The following TOP3A variants were observed in gnomAD, a reference collection of about 807,000 sequenced individuals.
The protein encoded by TOP3A is DNA topoisomerase 3-alpha.
TOP3A carries 64 observed loss-of-function variants against 111.3 expected under a neutral mutation model. The observed-to-expected ratio is 0.57, with a 90% confidence interval of 0.47 to 0.71. The LOEUF (loss-of-function observed/expected upper bound fraction) is 0.71. TOP3A is among the 30% of genes least tolerant of loss of function. The pLI is 0.00. For missense variants in TOP3A, 1,104 were observed against 1,285.0 expected, an observed-to-expected ratio of 0.86 and a Z score of 2.15; for synonymous variants, 484 against 485.1, an observed-to-expected ratio of 1.00 and a Z score of 0.03.
chr17:18,289,959 C>T (rs115294957), intron 13 of TOP3A, among the ~76,000 whole-genome samples: 378 of 152,286 alleles, frequency 2.5e-3, no homozygotes, highest in African/African-American at 8.6e-3. Context: ...TTGACAAAAA[C>T]GAATGGAGGG....
chr17:18,284,917 GA>G (rs1450142226), intron 15 of TOP3A, among the ~76,000 whole-genome samples: 4 of 152,226 alleles, frequency 2.6e-5, no homozygotes, highest in Non-Finnish European at 5.9e-5. Context: ...ACCCAGAGAA[GA>G]AAGTCCAAAG....
At chr17:18,314,465 A>T in intron 1 of TOP3A, 134 bp downstream of exon 1, 2 of 1,002,774 alleles carry the variant, frequency 2.0e-6, no homozygotes, top group Non-Finnish European at 1.4e-6. Flanking sequence ...CCACTGCAAT[A>T]ATCCAGACGA....
At position 18,305,133 on chromosome 17, in the gene TOP3A, T is replaced by A; in HGVS notation, c.478A>T (p.Ile160Phe). The change falls in exon 5 of 19, where the codon ATT (isoleucine) becomes TTT (phenylalanine). Residue 160 changes from isoleucine (I) to phenylalanine (F), a missense_variant. Physicochemically the swap from Ile to Phe is conservative, Grantham distance 21. Transcript: ENST00000321105. ...TTACCAGCCTTACACACGTGGATAA[T>A]CTCAAACCCGATGTTTTCGCCTTCT... ...DREGENIGFE[I>F]IHVCKAVKPN... 6.2e-7 allele frequency: 1 copy of A among 1,614,138 alleles called. No individual in the cohort carries two copies.
At chr17:18,281,428 G>A (rs1053164583) in intron 16 of TOP3A, among the ~76,000 whole-genome samples, 1 of 152,032 alleles carries the variant, frequency 6.6e-6, no homozygotes, top group African/African-American at 2.4e-5. Flanking sequence ...AAGAACAAAC[G>A]AATAACTAAA....
intron 8 of TOP3A, 116 bp downstream of exon 8, chr17:18,301,769 G>A: frequency 2.4e-6 from 2 of 820,006 alleles, no homozygotes; most frequent in Non-Finnish European, 3.9e-6. Flanking sequence ...GTGATCCCCT[G>A]AGATGCAAAC....
intron 5 of TOP3A, chr17:18,302,998 C>A: frequency 2.9e-6 from 1 of 348,142 alleles, no homozygotes; most frequent in Non-Finnish European, 5.3e-6. Flanking sequence ...GTTACTGTGT[C>A]TAGTAGAAAA....
chr17:18,280,206 C>T (rs1261644990), intron 17 of TOP3A: 5 of 161,622 alleles, frequency 3.1e-5, no homozygotes, highest in African/African-American at 4.9e-5. Context: ...GGTCTTGCTA[C>T]GTAGCCCAAG....
chr17:18,274,768 C>G lies in TOP3A; in HGVS notation c.*34G>C. The G allele has an allele frequency of 1.3e-6, 2 of 1,595,554 alleles. No individual in the cohort carries two copies. Among genetic ancestry groups the G allele is most frequent in the Non-Finnish European group, 1.7e-6 (2 of 1,169,022 alleles). On this transcript the variant is annotated 3_prime_UTR_variant, in exon 19 of 19. Transcript: ENST00000321105. ...ATTTCTAAACACAAAGGGGACAGGTCTGAGAAAGTGGCGTTCTCTACCCTA... is the reference window on the plus strand; with the variant it reads ...ATTTCTAAACACAAAGGGGACAGGTGTGAGAAAGTGGCGTTCTCTACCCTA...
intron 4 of TOP3A, 47 bp from the exon 5 acceptor site, chr17:18,305,267 C>T: frequency 1.4e-6 from 2 of 1,475,248 alleles, no homozygotes; most frequent in Non-Finnish European, 9.5e-7. Flanking sequence ...AATTGCACAA[C>T]AGTGACTTGA....
intron 9 of TOP3A, among the ~76,000 whole-genome samples, chr17:18,295,473 T>G (rs1234211180): frequency 2.0e-5 from 3 of 150,804 alleles, no homozygotes; most frequent in Admixed American, 1.3e-4. Context: ...AAAAATTTTT[T>G]TATTTTCGAG....
At chr17:18,287,709 T>A (rs936300208) in intron 13 of TOP3A, among the ~76,000 whole-genome samples, 2 of 151,476 alleles carry the variant, frequency 1.3e-5, no homozygotes, top group Admixed American at 6.6e-5. Context: ...CAAATTTTTT[T>A]AGGGGCCGGG....
intron 17 of TOP3A, among the ~76,000 whole-genome samples, chr17:18,279,803 C>T (rs1007056414): frequency 4.6e-5 from 7 of 152,202 alleles, no homozygotes; most frequent in African/African-American, 1.7e-4. Context: ...CCTCCTGCCT[C>T]AGCCTCCTGA....
rs756394352 is a variant in TOP3A, at chr17:18,277,803, C to T, written c.2699G>A (p.Ser900Asn). 7 of 1,614,068 alleles carry T rather than the reference C, an allele frequency of 4.3e-6. No homozygotes were observed. The highest frequency in any genetic ancestry group is 5.1e-6 in the Non-Finnish European group (6 of 1,180,042). ...GSGSGTSCLCSQPSVTRTVQK... is the reference protein window; with the variant it reads ...GSGSGTSCLCNQPSVTRTVQK... ...CACAGTCCGTGTGACGGAGGGCTGG[C>T]TGCAAAGGCAGGATGTGCCACTACC... The change falls in exon 18 of 19, where the codon AGC (serine) becomes AAC (asparagine). Residue 900 changes from serine (S) to asparagine (N), a missense_variant. Physicochemically the swap from Ser to Asn is conservative, Grantham distance 46. Coordinates refer to ENST00000321105, the MANE Select transcript of TOP3A (RefSeq NM_004618.5).
At position 18,305,222 on chromosome 17, in the gene TOP3A, T is replaced by C. The variant is rs1981485578; in HGVS notation, c.391-2A>G. On this transcript the variant is annotated splice_acceptor_variant, in intron 4 of 18. Coordinates refer to ENST00000321105, the MANE Select transcript of TOP3A (RefSeq NM_004618.5). LOFTEE classifies it high-confidence loss of function. ...GCGAGTCTCTCGTTCCAAAGTTTTCTTAAGTTCGCAGTGGAATAAGAGTGG... is the reference window on the plus strand; with the variant it reads ...GCGAGTCTCTCGTTCCAAAGTTTTCCTAAGTTCGCAGTGGAATAAGAGTGG... The C allele has an allele frequency of 6.2e-7, 1 of 1,613,376 alleles. No individual in the cohort carries two copies. Among genetic ancestry groups the C allele is most frequent in the Non-Finnish European group, 8.5e-7 (1 of 1,179,362 alleles).
In TOP3A at chr17:18,314,668, G is replaced by A. The variant is rs746253694; in HGVS notation, c.111C>T (p.Leu37=). The stretch of plus-strand genomic sequence containing the variant: ...CCGCGTCGTTTTTTTCGGCCACACA[G>A]AGGACTTTCCGCACGCCTCGGAGGG... ...EMALRGVRKV[L]CVAEKNDAAK... The change falls in exon 1 of 19, where the codon CTC becomes CTT. Residue 37 remains leucine (L), a synonymous_variant. Coordinates refer to ENST00000321105, the MANE Select transcript of TOP3A (RefSeq NM_004618.5). 10 of 1,613,618 alleles carry A rather than the reference G, an allele frequency of 6.2e-6. No individual in the cohort carries two copies. Among genetic ancestry groups the A allele is most frequent in the African/African-American group, 1.3e-5 (1 of 75,030 alleles).
chr17:18,277,886 TC>T lies in TOP3A; in HGVS notation c.2615del (p.Gly872AspfsTer10). On this transcript the variant is annotated frameshift_variant, in exon 18 of 19. Transcript: ENST00000321105. LOFTEE classifies it high-confidence loss of function. ...GGTGGATCCCTGGGCCTGGTGGGCA[TC>T]CCAGGGAGGCGCCCAGGGGTCTATA... is the stretch of plus-strand genomic sequence containing the variant. ...LAYRPLGASL[G>X]CPPGPGIHLG... The T allele has an allele frequency of 6.2e-7, 1 of 1,613,912 alleles. No individual in the cohort carries two copies. Among genetic ancestry groups the T allele is most frequent in the South Asian group, 1.1e-5 (1 of 91,084 alleles).
chr17:18,313,500 G>A (rs914288466), intron 1 of TOP3A: 2 of 169,446 alleles, frequency 1.2e-5, no homozygotes, highest in South Asian at 1.5e-4. Context: ...AGCCTGAGCC[G>A]CTGGAACCTA....
intron 18 of TOP3A, among the ~76,000 whole-genome samples, chr17:18,275,641 C>T (rs1196195100): frequency 3.3e-5 from 5 of 150,388 alleles, no homozygotes; most frequent in Non-Finnish European, 4.4e-5. Context: ...GGATTACAGG[C>T]GTGAGCCACC....
chr17:18,300,163 C>A (rs920037472), intron 8 of TOP3A, among the ~76,000 whole-genome samples: 1 of 111,634 alleles, frequency 9.0e-6, no homozygotes, highest in Non-Finnish European at 1.8e-5. Flanking sequence ...TTTGGGAGGC[C>A]GAGGCGGGCG....
Sources: gnomAD v4.1 joint callset for allele counts (sites outside exome capture counted in the v4.1 genomes callset) on GRCh38, gnomAD v4.1.1 for gene constraint, MANE v1.5 for transcripts, NCBI Gene and HGNC (gene_info 2026-07-23, HGNC 2026-07-21) for gene names.